The following P2RX5 variants were observed in gnomAD, a reference collection of about 807,000 sequenced individuals.
The protein encoded by P2RX5 is purinergic receptor P2X 5.
P2RX5 carries 46 observed loss-of-function variants against 54.1 expected under a neutral mutation model. That is an observed-to-expected ratio of 0.85 (90% CI 0.67 to 1.09). The LOEUF (loss-of-function observed/expected upper bound fraction) is 1.09. P2RX5 is among the 50% of genes least tolerant of loss of function. The probability of loss-of-function intolerance (pLI) is 0.00; values close to 1 mark genes in which losing one functional copy is unlikely to be tolerated. For synonymous variants in P2RX5, 226 were observed against 226.4 expected (o/e 1.00, Z 0.02); for missense variants, 566 against 549.8 (o/e 1.03, Z -0.29).
chr17:3,682,905 A>T (rs2050324868), intron 9 of P2RX5: 1 of 152,194 alleles, frequency 6.6e-6, no homozygotes, highest in South Asian at 2.1e-4. Context: ...GGGTGTCTGT[A>T]ATCCCAGCTA....
intron 3 of P2RX5, 108 bp from the exon 4 acceptor site, chr17:3,690,788 C>G (rs751351237): frequency 1.9e-5 from 23 of 1,236,092 alleles, no homozygotes; most frequent in Non-Finnish European, 2.5e-5. Flanking sequence ...CCCACACACA[C>G]TCTGAGAACC....
intron 7 of P2RX5, among the ~76,000 whole-genome samples, chr17:3,689,121 G>A (rs545587726): frequency 6.6e-6 from 1 of 152,378 alleles, no homozygotes; most frequent in South Asian, 2.1e-4. Context: ...GGCTCTCACT[G>A]ACTGCCCGTG....
chr17:3,682,684 G>C (rs982358409), intron 9 of P2RX5: 1 of 157,296 alleles, frequency 6.4e-6, no homozygotes, highest in Non-Finnish European at 1.4e-5. Context: ...GTGTGAGATA[G>C]GTTGGAAGGG....
chr17:3,690,740 A>T (rs941788485), intron 3 of P2RX5, 60 bp from the exon 4 acceptor site: 2 of 1,533,246 alleles, frequency 1.3e-6, no homozygotes, highest in East Asian at 4.5e-5. Flanking sequence ...GCCGGGTCCC[A>T]CTCCAGGAGA....
chr17:3,704,316 C>A, the P2RX5 span, among the ~76,000 whole-genome samples: 61 of 152,300 alleles, frequency 4.0e-4, no homozygotes, highest in Middle Eastern at 6.8e-3. Flanking sequence ...CAGACCCAGC[C>A]TTCCTGCCGA....
chr17:3,679,978 AGTCCTCCACCCTGCTTCCTCCACGTGGC>A (rs2050197581), intron 10 of P2RX5, among the ~76,000 whole-genome samples, 194 bp from the exon 11 acceptor site: 1 of 103,044 alleles, frequency 9.7e-6, no homozygotes, highest in Non-Finnish European at 2.0e-5. Flanking sequence ...CTCCACCCTG[AGTCCTCCACCCTGCTTCCTCCACGTGGC>A]GTCCTCCACC....
upstream of P2RX5, among the ~76,000 whole-genome samples, chr17:3,696,909 C>G (rs2050769308): frequency 6.6e-6 from 1 of 151,944 alleles, no homozygotes; most frequent in African/African-American, 2.4e-5. Context: ...TACATTCTTG[C>G]TCCGTGGGCA....
At chr17:3,688,164 G>A in intron 8 of P2RX5, 59 bp from the exon 9 acceptor site, 1 of 899,738 alleles carries the variant, frequency 1.1e-6, no homozygotes, top group Non-Finnish European at 1.8e-6. Context: ...TCTTTAGGCA[G>A]CACTGATGTG....
chr17:3,690,569 G>A, intron 4 of P2RX5, 36 bp downstream of exon 4: 1 of 1,612,028 alleles, frequency 6.2e-7, no homozygotes, highest in African/African-American at 1.3e-5. Flanking sequence ...CCCACTCCGA[G>A]TCCTCCTTCA....
chr17:3,706,588 G>A, the P2RX5 span, among the ~76,000 whole-genome samples: 1 of 135,100 alleles, frequency 7.4e-6, no homozygotes, highest in Non-Finnish European at 1.6e-5. Flanking sequence ...ACCACCACCT[G>A]GAGCACATGC....
At chr17:3,674,005 C>T in intron 11 of P2RX5, 128 bp from the exon 12 acceptor site, 2 of 935,624 alleles carry the variant, frequency 2.1e-6, no homozygotes, top group Non-Finnish European at 3.4e-6. Flanking sequence ...CTTCACTTCT[C>T]CCCATTTAAA....
At chr17:3,700,669 A>T (rs560983706), upstream of P2RX5, among the ~76,000 whole-genome samples, 3 of 152,144 alleles carry the variant, frequency 2.0e-5, no homozygotes, top group East Asian at 3.9e-4. Context: ...TTGAAATGTG[A>T]CCTCCCATGT....
chr17:3,692,888 C>T (rs775242020), intron 1 of P2RX5, among the ~76,000 whole-genome samples: 2 of 151,640 alleles, frequency 1.3e-5, no homozygotes, highest in Admixed American at 6.6e-5. Context: ...ACACTAAAAA[C>T]GCAAGCAATA....
the P2RX5 span, among the ~76,000 whole-genome samples, chr17:3,712,331 C>G: frequency 3.3e-5 from 5 of 152,286 alleles, no homozygotes; most frequent in African/African-American, 1.2e-4. Flanking sequence ...TGGTGCCCAA[C>G]AGCCTAGTGA....
At chr17:3,694,437 C>T (rs1263602494) in intron 1 of P2RX5, among the ~76,000 whole-genome samples, 1 of 152,128 alleles carries the variant, frequency 6.6e-6, no homozygotes, top group East Asian at 1.9e-4. Context: ...AACTCCTGAC[C>T]TCAGGTGATC....
rs185839586 is a variant in P2RX5 at position 3,682,116 on chromosome 17, C to T, written c.982-138G>A. 3.1e-3 allele frequency: 2,190 copies of T among 702,342 alleles called. 7 individuals carry two copies. The highest frequency in any genetic ancestry group is 3.8e-3 in the Non-Finnish European group (1,459 of 385,636). The allele number at this position is 702,342 out of a possible 1,614,324, so 43.5% of individuals were successfully genotyped here. On this transcript the variant is annotated intron_variant, in intron 9 of 11. Coordinates refer to ENST00000225328, the MANE Select transcript of P2RX5 (RefSeq NM_002561.4). Reference sequence around the variant, plus strand: ...CCATTTAACAGATGAGGAAACTGGGCTCAGCAAGGGGCACCCTTGTCCGAC... The same window carrying T: ...CCATTTAACAGATGAGGAAACTGGGTTCAGCAAGGGGCACCCTTGTCCGAC...
the P2RX5 span, among the ~76,000 whole-genome samples, chr17:3,709,560 G>C: frequency 2.0e-5 from 3 of 152,156 alleles, no homozygotes; most frequent in Non-Finnish European, 2.9e-5. Context: ...TTGAGCTCAG[G>C]AGTTCAAGTC....
upstream of P2RX5, among the ~76,000 whole-genome samples, chr17:3,698,913 T>A (rs1477190635): frequency 6.6e-6 from 1 of 151,370 alleles, no homozygotes; most frequent in Non-Finnish European, 1.5e-5. Flanking sequence ...CAACCAGCAT[T>A]AAAAAAAATA....
At chr17:3,716,935 A>G in the P2RX5 span, 1 of 598,688 alleles carries the variant, frequency 1.7e-6, no homozygotes, top group Non-Finnish European at 3.0e-6. Context: ...CAGTAAAGCA[A>G]AAAGCTAGAT....
Sources: allele counts gnomAD v4.1 joint callset (sites outside exome capture counted in the v4.1 genomes callset), GRCh38; gene constraint gnomAD v4.1.1; transcripts MANE v1.5; gene names NCBI Gene and HGNC (gene_info 2026-07-23, HGNC 2026-07-21).